The following VPS16 variants were observed in gnomAD, a reference collection of about 807,000 sequenced individuals.
The protein encoded by VPS16 is VPS16 core subunit of CORVET and HOPS complexes, also known as vacuolar protein sorting-associated protein 16 homolog.
VPS16 carries 82 observed loss-of-function variants against 116.0 expected under a neutral mutation model. The ratio of observed to expected loss-of-function variants is 0.71; its 90% CI spans 0.59 to 0.85. VPS16 has a LOEUF of 0.85. VPS16 is among the 40% of genes least tolerant of loss of function. VPS16 has a pLI of 0.00. For synonymous variants in VPS16, 406 were observed against 420.7 expected (o/e 0.96, Z 0.43); for missense variants, 928 against 1,090.6 (o/e 0.85, Z 2.10).
intron 1 of VPS16, among the ~76,000 whole-genome samples, chr20:2,841,686 G>A (rs970356047): frequency 2.0e-5 from 3 of 152,070 alleles, no homozygotes; most frequent in Non-Finnish European, 2.9e-5. Flanking sequence ...GGTCTTTTAG[G>A]TATGGTCTAT....
At position 2,864,787 on chromosome 20, in the gene VPS16, C is replaced by A; in HGVS notation, c.1926+133C>A. On this transcript the variant is annotated intron_variant, in intron 19 of 23. Transcript: ENST00000380445. The surrounding 1 kb of genome is among the most constrained non-coding windows in gnomAD (Gnocchi z 5.2). The stretch of plus-strand genomic sequence containing the variant: ...GTCCTCACTGTGAGGGAGACTCTGA[C>A]GTGAGGCCAGGATGGGGGTTAGTGT... 1 of 1,169,538 alleles carries A rather than the reference C, an allele frequency of 8.6e-7. No individual in the cohort carries two copies. Among genetic ancestry groups the A allele is most frequent in the Non-Finnish European group, 1.2e-6 (1 of 809,824 alleles). The allele number at this position is 1,169,538 out of a possible 1,614,324, so 72.4% of individuals were successfully genotyped here.
intron 8 of VPS16, 98 bp from the exon 9 acceptor site, chr20:2,861,516 AG>A: frequency 6.3e-6 from 9 of 1,432,148 alleles, no homozygotes; most frequent in Non-Finnish European, 8.5e-6. Context: ...CAGTGATGCA[AG>A]TGTATACAGG....
At chr20:2,851,662 CAA>C (rs111648973) in intron 1 of VPS16, among the ~76,000 whole-genome samples, 1 of 122,624 alleles carries the variant, frequency 8.2e-6, no homozygotes. Flanking sequence ...AACTCCGTCT[CAA>C]AAAAAAAAAA....
At position 2,860,473 on chromosome 20, in the gene VPS16, G is replaced by T. The variant is rs774950719; in HGVS notation, c.394G>T (p.Asp132Tyr). 1 of 1,614,048 alleles carries T rather than the reference G, an allele frequency of 6.2e-7. No individual in the cohort carries two copies. Among genetic ancestry groups the T allele is most frequent in the South Asian group, 1.1e-5 (1 of 91,078 alleles). ...GGAAGTGCTCCAGAACCGGGTTCTG[G>T]ATGCCCGGATCTTTCACACTGAGTT... ...GNEVLQNRVL[D>Y]ARIFHTEFGS... is the part of the protein sequence containing the mutation. Residue 132 changes from aspartate to tyrosine, a missense_variant, in exon 5 of 24, where the codon GAT becomes TAT. Transcript: ENST00000380445. The surrounding 1 kb of genome is among the most constrained non-coding windows in gnomAD (Gnocchi z 6.1).
chr20:2,843,153 G>T (rs1016059942), intron 1 of VPS16, among the ~76,000 whole-genome samples: 5 of 152,174 alleles, frequency 3.3e-5, no homozygotes, highest in Admixed American at 6.5e-5. Context: ...TGTGCAATTG[G>T]CCGAGCGTGG....
chr20:2,852,438 A>C (rs2089131577), intron 1 of VPS16, among the ~76,000 whole-genome samples: 1 of 152,164 alleles, frequency 6.6e-6, no homozygotes, highest in Non-Finnish European at 1.5e-5. Flanking sequence ...ATTTGTATGA[A>C]TATCTATTTT....
At position 2,865,369 on chromosome 20, in the gene VPS16, G is replaced by T; in HGVS notation, c.2175-30G>T. 6.2e-7 allele frequency: 1 copy of T among 1,613,992 alleles called. No individual in the cohort carries two copies. The highest frequency in any genetic ancestry group is 1.1e-5 in the South Asian group (1 of 91,050). On this transcript the variant is annotated intron_variant, in intron 21 of 23. Transcript: ENST00000380445. The surrounding 1 kb of genome is among the most constrained non-coding windows in gnomAD (Gnocchi z 5.2). ...GGTCCCAGGACCACCTGCCTCTCCT[G>T]CAACACCTCCAAGCCCAGCTTTCCT...
In VPS16 at chr20:2,858,089, G is replaced by T. The variant is rs1369374414; in HGVS notation, c.54-1630G>T. ...AGAGTCTCGTATTCATTGTTCCCTA[G>T]ACTACTTTGGGTTTTTTTTTTTTGA... On this transcript the variant is annotated intron_variant, in intron 1 of 23. Coordinates refer to ENST00000380445, the MANE Select transcript of VPS16 (RefSeq NM_022575.4). Among the ~76,000 whole-genome samples, 22 of 149,074 alleles carry T rather than the reference G, an allele frequency of 1.5e-4. 1 individual carries two copies. The highest frequency in any genetic ancestry group is 1.5e-3 in the Admixed American group (22 of 14,958).
chr20:2,841,813 A>C (rs2088978331), intron 1 of VPS16, among the ~76,000 whole-genome samples: 3 of 150,526 alleles, frequency 2.0e-5, no homozygotes, highest in Admixed American at 2.0e-4. Context: ...GCTGGAGTGC[A>C]GGGGCACTCG....
In VPS16 at chr20:2,864,231, T is replaced by C. The variant is rs1476962351; in HGVS notation, c.1664T>C (p.Met555Thr). 19 of 1,614,096 alleles carry C rather than the reference T, an allele frequency of 1.2e-5. No individual in the cohort carries two copies. Among genetic ancestry groups the C allele is most frequent in the Admixed American group, 5.0e-5 (3 of 60,026 alleles). ...SGEQVPLLLKMKRSKLALSKA... is the reference protein window; with the variant it reads ...SGEQVPLLLKTKRSKLALSKA... ...GAGCAGGTACCCCTTCTCCTAAAGA[T>C]GAAGAGGAGCAAACTGGCACTAAGC... The change falls in exon 17 of 24, where the codon ATG (methionine) becomes ACG (threonine). Residue 555 changes from methionine to threonine, a missense_variant. Physicochemically the swap from Met to Thr is moderately conservative, Grantham distance 81 (BLOSUM62 -1). Transcript: ENST00000380445. This position sits in a 1 kb window ranked among gnomAD's most constrained non-coding sequence, Gnocchi z 5.2.
chr20:2,862,759 G>GGGGGGGGT, intron 12 of VPS16, 48 bp from the exon 13 acceptor site: 2 of 777,174 alleles, frequency 2.6e-6, no homozygotes, highest in Non-Finnish European at 4.2e-6. Flanking sequence ...GAGGGGGTGG[G>GGGGGGGGT]ATGGGCAGCA....
In VPS16 at chr20:2,865,367, C is replaced by G; in HGVS notation, c.2175-32C>G. 1 of 1,613,970 alleles carries G rather than the reference C, an allele frequency of 6.2e-7. No individual in the cohort carries two copies. The highest frequency in any genetic ancestry group is 1.7e-5 in the Admixed American group (1 of 60,016). ...TGGGTCCCAGGACCACCTGCCTCTC[C>G]TGCAACACCTCCAAGCCCAGCTTTC... On this transcript the variant is annotated intron_variant, in intron 21 of 23. Transcript: ENST00000380445. The surrounding 1 kb of genome is among the most constrained non-coding windows in gnomAD (Gnocchi z 5.2).
intron 1 of VPS16, among the ~76,000 whole-genome samples, chr20:2,853,172 C>G (rs2089138299): frequency 6.6e-6 from 1 of 152,152 alleles, no homozygotes; most frequent in African/African-American, 2.4e-5. Context: ...GGGCAGAGCA[C>G]TTGAGGCCAG....
Position 2,862,880 on chromosome 20 carries a change from G to A in VPS16, c.1277G>A (p.Arg426His), listed in dbSNP as rs766221953. Residue 426 changes from arginine (R) to histidine (H), a missense_variant, in exon 13 of 24, where the codon CGT becomes CAT. Arg to His is a conservative substitution (Grantham distance 29). Transcript: ENST00000380445. ...DSFVHMCQDL[R>H]VLNAVRDYHI... ...TTCGTGCACATGTGTCAGGACCTGC[G>A]TGTGCTCAATGCTGTTCGGGACTAT... is the stretch of plus-strand genomic sequence containing the variant. 2.5e-5 allele frequency: 41 copies of A among 1,614,124 alleles called. No homozygotes were observed. In the Admixed American group the frequency reaches 4.7e-4, roughly 18 times the overall value.
intron 1 of VPS16, among the ~76,000 whole-genome samples, chr20:2,842,884 C>CGATAGATAGATAGATG (rs2089018254): frequency 6.7e-6 from 1 of 149,214 alleles, no homozygotes; most frequent in Admixed American, 6.7e-5. Flanking sequence ...ATAGATGTAT[C>CGATAGATAGATAGATG]TATCGATAGA....
rs57731229 is a variant in VPS16, at chr20:2,850,965, C to CAA, written c.54-8737_54-8736dup. Among the ~76,000 whole-genome samples the CAA allele has an allele frequency of 2.8e-3, 259 of 91,344 alleles. 4 individuals are homozygous for CAA. The highest frequency in any genetic ancestry group is 0.014 in the South Asian group (37 of 2,714). The allele number at this position is 91,344 out of a possible 152,430, so 59.9% of individuals were successfully genotyped here. On this transcript the variant is annotated intron_variant, in intron 1 of 23. Transcript: ENST00000380445. ...TAGCTGGGCGATAGAGTAAGACTGT[C>CAA]AAAAAAAAAAAAAAAAAAGAAAAAG... is the stretch of plus-strand genomic sequence containing the variant.
intron 2 of VPS16, 41 bp downstream of exon 2, chr20:2,859,848 G>T: frequency 6.3e-7 from 1 of 1,590,458 alleles, no homozygotes. Flanking sequence ...GGGACCCTGG[G>T]ATGAACTCAA....
chr20:2,857,618 T>C (rs2089185865), intron 1 of VPS16, among the ~76,000 whole-genome samples: 1 of 152,160 alleles, frequency 6.6e-6, no homozygotes, highest in Non-Finnish European at 1.5e-5. Context: ...CAAGTGATTC[T>C]CCTGCCTTAG....
intron 9 of VPS16, 44 bp downstream of exon 9, chr20:2,861,748 G>GCCC: frequency 6.2e-7 from 1 of 1,609,866 alleles, no homozygotes; most frequent in Non-Finnish European, 8.5e-7. Flanking sequence ...GGGGAGGGGA[G>GCCC]GGTTCACCTG....
Sources: gnomAD v4.1 joint callset for allele counts (sites outside exome capture counted in the v4.1 genomes callset) on GRCh38, gnomAD v4.1.1 for gene constraint, Gnocchi (gnomAD v3.1) non-coding constraint, MANE v1.5 for transcripts, NCBI Gene and HGNC (gene_info 2026-07-23, HGNC 2026-07-21) for gene names.